The following MAP3K10 variants were observed in gnomAD, a reference collection of about 807,000 sequenced individuals.
MAP3K10 encodes the protein mitogen-activated protein kinase kinase kinase 10, also known as MKN28 derived nonreceptor_type serine/threonine kinase.
A neutral mutation model predicts 75.0 loss-of-function variants in MAP3K10; 22 were observed. The ratio of observed to expected loss-of-function variants is 0.29; its 90% CI spans 0.21 to 0.42. MAP3K10 has a LOEUF of 0.42. MAP3K10 is among the 10% of genes least tolerant of loss of function. MAP3K10 has a pLI of 1.00. For missense variants in MAP3K10, 1,165 were observed against 1,379.8 expected (o/e 0.84, Z 2.47); for synonymous variants, 599 against 612.9 (o/e 0.98, Z 0.34).
At chr19:40,197,405 C>A (rs9749056) in intron 1 of MAP3K10, among the ~76,000 whole-genome samples, 114,805 of 152,018 alleles carry the variant, frequency 0.76, 43,540 homozygotes, top group African/African-American at 0.81. Flanking sequence ...AGCTCACTGC[C>A]ACCTCCACCT....
chr19:40,195,184 G>T (rs113213935), intron 1 of MAP3K10, among the ~76,000 whole-genome samples: 3 of 152,172 alleles, frequency 2.0e-5, no homozygotes, highest in African/African-American at 7.2e-5. Context: ...TGGGGGCCAT[G>T]GTGAGGACTT....
chr19:40,204,494 G>T lies in MAP3K10; in HGVS notation c.873G>T (p.Val291=), dbSNP rs1337892428. Residue 291 remains valine, a synonymous_variant, in exon 3 of 10, where the codon GTG becomes GTT. Coordinates refer to ENST00000253055, the MANE Select transcript of MAP3K10 (RefSeq NM_002446.4). The surrounding 1 kb of genome is among the most constrained non-coding windows in gnomAD (Gnocchi z 4.3). ...SKSSDVWSFG[V]LLWELLTGEV... is the part of the protein sequence containing the mutation. ...TCTCCCCTGCCTGCAGCTTCGGGGTGCTGCTGTGGGAGCTGCTGACGGGGG... is the reference window on the plus strand; with the variant it reads ...TCTCCCCTGCCTGCAGCTTCGGGGTTCTGCTGTGGGAGCTGCTGACGGGGG... 1 of 1,613,256 alleles carries T rather than the reference G, an allele frequency of 6.2e-7. No homozygotes were observed. The highest frequency in any genetic ancestry group is 8.5e-7 in the Non-Finnish European group (1 of 1,179,814).
intron 5 of MAP3K10, among the ~76,000 whole-genome samples, chr19:40,208,363 T>TTTATA (rs1555756666): frequency 8.9e-6 from 1 of 111,892 alleles, no homozygotes. Flanking sequence ...TTTTTTTTTT[T>TTTATA]TTTTTTGTAT....
At chr19:40,214,419 T>C (rs1009531419) in intron 9 of MAP3K10, among the ~76,000 whole-genome samples, 198 bp downstream of exon 9, 1 of 152,186 alleles carries the variant, frequency 6.6e-6, no homozygotes, top group African/African-American at 2.4e-5. Context: ...GGCGGCAAAC[T>C]GATGCCTATA....
In MAP3K10 at chr19:40,212,894, G is replaced by A; in HGVS notation, c.1642G>A (p.Glu548Lys). ...CCGCGGTGGGCCCCCAAAGAAGGAAGAACTGGTCGGGGGCAAGAAGAAGGG... is the reference window on the plus strand; with the variant it reads ...CCGCGGTGGGCCCCCAAAGAAGGAAAAACTGGTCGGGGGCAAGAAGAAGGG... ...WSRGGPPKKEELVGGKKKGRT... is the reference protein window; with the variant it reads ...WSRGGPPKKEKLVGGKKKGRT... The change falls in exon 7 of 10, where the codon GAA becomes AAA. Residue 548 changes from glutamate (E) to lysine (K), a missense_variant. Physicochemically the swap from Glu to Lys is moderately conservative, Grantham distance 56. Transcript: ENST00000253055. This position sits in a 1 kb window ranked among gnomAD's most constrained non-coding sequence, Gnocchi z 4.2. The A allele has an allele frequency of 6.2e-7, 1 of 1,613,310 alleles. No homozygotes were observed. Among genetic ancestry groups the A allele is most frequent in the Non-Finnish European group, 8.5e-7 (1 of 1,179,864 alleles).
chr19:40,192,289 C>A lies in MAP3K10; in HGVS notation c.258C>A (p.Gly86=). The A allele has an allele frequency of 6.3e-7, 1 of 1,590,876 alleles. No individual in the cohort carries two copies. The stretch of plus-strand genomic sequence containing the variant: ...CCGGCGCCCCCGCTGCACCCGCGGG[C>A]CTCCAGCTGCCCCAGGAGATCCCCT... ...VAPGAPAAPA[G]LQLPQEIPFH... The change falls in exon 1 of 10, where the codon GGC becomes GGA. Residue 86 remains glycine (G), a synonymous_variant. Transcript: ENST00000253055. The surrounding 1 kb of genome is among the most constrained non-coding windows in gnomAD (Gnocchi z 7.1).
chr19:40,192,834 G>A lies in MAP3K10; in HGVS notation c.682+121G>A. 1.3e-6 allele frequency: 1 copy of A among 775,338 alleles called. No individual in the cohort carries two copies. Among genetic ancestry groups the A allele is most frequent in the Non-Finnish European group, 2.0e-6 (1 of 507,686 alleles). The allele number at this position is 775,338 out of a possible 1,614,324, so 48.0% of individuals were successfully genotyped here. A position where few individuals can be genotyped will look rare whatever the true frequency, so the allele number is the denominator to read the frequency against. On this transcript the variant is annotated intron_variant, in intron 1 of 9. Coordinates refer to ENST00000253055, the MANE Select transcript of MAP3K10 (RefSeq NM_002446.4). The surrounding 1 kb of genome is among the most constrained non-coding windows in gnomAD (Gnocchi z 7.1). ...GTGCCTGGAGTGAGAAGGGGCAGCAGTATGATACCTTCAGGGTGAAGGTGA... is the reference window on the plus strand; with the variant it reads ...GTGCCTGGAGTGAGAAGGGGCAGCAATATGATACCTTCAGGGTGAAGGTGA...
chr19:40,206,905 C>T (rs1973132724), intron 5 of MAP3K10, among the ~76,000 whole-genome samples: 2 of 152,098 alleles, frequency 1.3e-5, no homozygotes, highest in South Asian at 2.1e-4. Context: ...AGCAGCCTGG[C>T]TCTAGAACAT....
intron 2 of MAP3K10, among the ~76,000 whole-genome samples, chr19:40,203,294 A>G (rs780504158): frequency 1.3e-5 from 2 of 152,074 alleles, no homozygotes; most frequent in Non-Finnish European, 2.9e-5. Context: ...AGCCGAGATC[A>G]TGCCACTGCA....
chr19:40,213,040 AGGACTGAGG>A lies in MAP3K10; in HGVS notation c.1725-35_1725-27del, dbSNP rs1356158465. On this transcript the variant is annotated intron_variant, in intron 7 of 9. Coordinates refer to ENST00000253055, the MANE Select transcript of MAP3K10 (RefSeq NM_002446.4). This position sits in a 1 kb window ranked among gnomAD's most constrained non-coding sequence, Gnocchi z 5.7. ...CCCCAGCTCCCAGGCTCCAGGCCAC[AGGACTGAGG>A]TCTCCATCTCTCCCTGGACCCCGCA... 6.3e-7 allele frequency: 1 copy of A among 1,597,986 alleles called. No individual in the cohort carries two copies. Among genetic ancestry groups the A allele is most frequent in the African/African-American group, 1.3e-5 (1 of 74,666 alleles).
rs910999650 is a variant in MAP3K10 at position 40,213,654 on chromosome 19, C to A, written c.1975C>A (p.Pro659Thr). Residue 659 changes from proline (P) to threonine (T), a missense_variant, in exon 9 of 10, where the codon CCC (proline) becomes ACC (threonine). By Grantham distance (38) the Pro-to-Thr change is conservative. This residue lies in a region of MAP3K10 where 590 missense variants were observed against 586.6 expected (regional missense o/e 1.01). Transcript: ENST00000253055. The surrounding 1 kb of genome is among the most constrained non-coding windows in gnomAD (Gnocchi z 5.7). ...GCCGTGGGAGCCGACGCCGTCCGCGCCCCCCGCTCGGTGGGGACACGGCGC... is the reference window on the plus strand; with the variant it reads ...GCCGTGGGAGCCGACGCCGTCCGCGACCCCCGCTCGGTGGGGACACGGCGC... ...RAPWEPTPSA[P>T]PARWGHGARR... 2 of 1,285,626 alleles carry A rather than the reference C, an allele frequency of 1.6e-6. No individual in the cohort carries two copies. The highest frequency in any genetic ancestry group is 9.9e-7 in the Non-Finnish European group (1 of 1,010,072). The allele number at this position is 1,285,626 out of a possible 1,614,324, so 79.6% of individuals were successfully genotyped here.
rs889599897 is a variant in MAP3K10 at position 40,200,744 on chromosome 19, G to A, written c.863+2189G>A. 2.2e-4 allele frequency among the ~76,000 whole-genome samples: 32 copies of A among 146,422 alleles called. 1 individual carries two copies. Among genetic ancestry groups the A allele is most frequent in the African/African-American group, 8.0e-4 (32 of 39,870 alleles). On this transcript the variant is annotated intron_variant, in intron 2 of 9. Transcript: ENST00000253055. The stretch of plus-strand genomic sequence containing the variant: ...AGTGATTCTTGTGCCTCAGCCTCCC[G>A]AGTAGCTGAGATTATAGGCATGCAC...
chr19:40,194,625 TG>T (rs986245197), intron 1 of MAP3K10, among the ~76,000 whole-genome samples: 2 of 152,172 alleles, frequency 1.3e-5, no homozygotes, highest in Non-Finnish European at 2.9e-5. Context: ...CCCGGGGTGA[TG>T]GGTCTGCTCT....
rs1165964348 is a variant in MAP3K10 at position 40,215,299 on chromosome 19, C to T, written c.*7C>T. The T allele has an allele frequency of 3.3e-6, 5 of 1,536,132 alleles. No individual in the cohort carries two copies. The African/African-American group carries it at 5.5e-5, about 17-fold the overall frequency. On this transcript the variant is annotated 3_prime_UTR_variant, in exon 10 of 10. Transcript: ENST00000253055. The stretch of plus-strand genomic sequence containing the variant: ...GGCCCACGGCTCCCACTAAGGCCTG[C>T]CCACCACCGCCCGCCTGGGCAGCCA...
Position 40,213,812 on chromosome 19 carries a change from TC to T in MAP3K10, c.2137del (p.Arg713AlafsTer109), listed in dbSNP as rs1366873132. The T allele has an allele frequency of 7.7e-7, 1 of 1,292,402 alleles. No homozygotes were observed. The highest frequency in any genetic ancestry group is 9.8e-7 in the Non-Finnish European group (1 of 1,016,872). 80.1% of individuals were successfully genotyped at this position (1,292,402 alleles called of 1,614,324 possible). A position where few individuals can be genotyped will look rare whatever the true frequency, so the allele number is the denominator to read the frequency against. ...GGCGCTGGCTCGACGGCCTCTTCTT[TC>T]CCCGCGCCGGCCGCTTCCCGCGGGG... ...QRRWLDGLFF[P>X]RAGRFPRGLS... is the part of the protein sequence containing the mutation. On this transcript the variant is annotated frameshift_variant, in exon 9 of 10. Coordinates refer to ENST00000253055, the MANE Select transcript of MAP3K10 (RefSeq NM_002446.4). LOFTEE classifies it high-confidence loss of function. The surrounding 1 kb of genome is among the most constrained non-coding windows in gnomAD (Gnocchi z 5.7).
Position 40,213,770 on chromosome 19 carries a change from C to T in MAP3K10, c.2091C>T (p.Ala697=), listed in dbSNP as rs1332003390. The change falls in exon 9 of 10, where the codon GCC becomes GCT. Residue 697 remains alanine (A), a synonymous_variant. Coordinates refer to ENST00000253055, the MANE Select transcript of MAP3K10 (RefSeq NM_002446.4). The surrounding 1 kb of genome is among the most constrained non-coding windows in gnomAD (Gnocchi z 5.7). ...LGADVAEARA[A]DGEEQRRWLD... ...CCGACGTGGCCGAGGCGCGCGCGGC[C>T]GACGGTGAGGAGCAGCGGCGCTGGC... 16 of 1,164,084 alleles carry T rather than the reference C, an allele frequency of 1.4e-5. No homozygotes were observed. The highest frequency in any genetic ancestry group is 5.0e-5 in the African/African-American group (3 of 59,606). 72.1% of individuals were successfully genotyped at this position (1,164,084 alleles called of 1,614,324 possible).
At chr19:40,200,675 A>G (rs538820859) in intron 2 of MAP3K10, among the ~76,000 whole-genome samples, 7 of 146,380 alleles carry the variant, frequency 4.8e-5, no homozygotes, top group Admixed American at 2.1e-4. Context: ...CTGGAGTGCA[A>G]TGGCACAATC....
At chr19:40,209,305 G>C (rs1814567155) in intron 6 of MAP3K10, 86 bp downstream of exon 6, 10 of 978,332 alleles carry the variant, frequency 1.0e-5, no homozygotes, top group Non-Finnish European at 1.6e-5. Context: ...CACCAAGCCA[G>C]AGTAACAGCA....
Position 40,205,397 on chromosome 19 carries a change from C to T in MAP3K10, c.1188+101C>T. The T allele has an allele frequency of 7.7e-7, 1 of 1,298,540 alleles. No individual in the cohort carries two copies. Among genetic ancestry groups the T allele is most frequent in the Non-Finnish European group, 1.1e-6 (1 of 930,344 alleles). The allele number at this position is 1,298,540 out of a possible 1,614,324, so 80.4% of individuals were successfully genotyped here. The stretch of plus-strand genomic sequence containing the variant: ...CTCCCCTGAACCCCAGCCTTTGGGT[C>T]CATGCAGGGTCAAGGGAGCCTTTTT... On this transcript the variant is annotated intron_variant, in intron 4 of 9. Coordinates refer to ENST00000253055, the MANE Select transcript of MAP3K10 (RefSeq NM_002446.4). This position sits in a 1 kb window ranked among gnomAD's most constrained non-coding sequence, Gnocchi z 4.3.
Sources: gnomAD v4.1 joint callset for allele counts (sites outside exome capture counted in the v4.1 genomes callset) on GRCh38, gnomAD v4.1.1 for gene constraint, gnomAD v4.1.1 regional missense constraint, Gnocchi (gnomAD v3.1) non-coding constraint, MANE v1.5 for transcripts, NCBI Gene and HGNC (gene_info 2026-07-23, HGNC 2026-07-21) for gene names.